The following DMD variants were observed in gnomAD, a reference collection of about 807,000 sequenced individuals.
The protein encoded by DMD is mutant dystrophin.
DMD carries 63 observed loss-of-function variants against 330.1 expected under a neutral mutation model. The ratio of observed to expected loss-of-function variants is 0.19; its 90% CI spans 0.16 to 0.24. DMD has a LOEUF of 0.24. Among genes scored for constraint, DMD ranks in the 10% least tolerant of loss-of-function variants. DMD has a pLI of 1.00. For missense variants in DMD, 3,344 were observed against 2,684.1 expected (o/e 1.25, Z -5.43); for synonymous variants, 1,223 against 959.8 (o/e 1.27, Z -5.07).
chrX:33,106,984 TAACTC>T (rs1603290720), intron 1 of DMD, among the ~76,000 whole-genome samples: 2 of 111,599 alleles, frequency 1.8e-5, no homozygotes, highest in Non-Finnish European at 3.8e-5. Flanking sequence ...AAACAGGAAT[TAACTC>T]AATACGTATA....
intron 57 of DMD, among the ~76,000 whole-genome samples, chrX:31,486,049 AT>A (rs920313321): frequency 3.6e-5 from 4 of 112,241 alleles, no homozygotes; most frequent in African/African-American, 1.3e-4. Context: ...CTGTGTCCTC[AT>A]TTGTAAAATG....
intron 76 of DMD, among the ~76,000 whole-genome samples, chrX:31,134,712 C>T (rs1002996264): frequency 1.8e-5 from 2 of 112,484 alleles, no homozygotes; most frequent in African/African-American, 3.2e-5. Context: ...TGAGCCAACA[C>T]GCCCAGCCTA....
intron 41 of DMD, among the ~76,000 whole-genome samples, chrX:32,338,973 G>A (rs571955119): frequency 1.4e-4 from 16 of 111,916 alleles, no homozygotes; most frequent in East Asian, 5.6e-4. Context: ...CAAATGCTGC[G>A]TACTTAATTC....
intron 47 of DMD, among the ~76,000 whole-genome samples, chrX:31,900,803 T>C (rs2094412092): frequency 9.0e-6 from 1 of 111,248 alleles, no homozygotes; most frequent in South Asian, 3.8e-4. Context: ...AAGTCCTTAT[T>C]ATCTGGGCCA....
In DMD at chrX:32,924,058, A is replaced by G. The variant is rs904803129; in HGVS notation, c.94-74238T>C. The stretch of plus-strand genomic sequence containing the variant: ...GAGGAGAGTGAGGAAATGCCACGAT[A>G]AAAATCAGAAATTATTAAAGAAGTC... On this transcript the variant is annotated intron_variant, in intron 2 of 78. Coordinates refer to ENST00000357033, the MANE Select transcript of DMD (RefSeq NM_004006.3). 1.4e-4 allele frequency among the ~76,000 whole-genome samples: 16 copies of G among 111,742 alleles called. No homozygotes were observed. The Admixed American group carries it at 1.4e-3, about 10-fold the overall frequency.
rs2092347411 is a variant in DMD, at chrX:32,970,663, A to G, written c.93+49476T>C. Among the ~76,000 whole-genome samples the G allele has an allele frequency of 2.2e-5, 2 of 92,218 alleles. 1 individual carries two copies. Among genetic ancestry groups the G allele is most frequent in the Non-Finnish European group, 4.1e-5 (2 of 48,979 alleles). The allele number at this position is 92,218 out of a possible 115,157, so 80.1% of individuals were successfully genotyped here. ...AATACTGATAATGATAATGATAATG[A>G]TAATAAAAATAATAACGAAATTCAG... On this transcript the variant is annotated intron_variant, in intron 2 of 78. Transcript: ENST00000357033.
At chrX:32,014,519 C>T (rs1438877759) in intron 44 of DMD, among the ~76,000 whole-genome samples, 1 of 111,613 alleles carries the variant, frequency 9.0e-6, no homozygotes, top group African/African-American at 3.3e-5. Context: ...ATTATGCTCC[C>T]TTTAGCTGTC....
At chrX:33,091,797 T>C (rs1260173582) in intron 1 of DMD, among the ~76,000 whole-genome samples, 1 of 111,846 alleles carries the variant, frequency 8.9e-6, no homozygotes, top group African/African-American at 3.2e-5. Context: ...ATAAGCATAA[T>C]CTTTGCTTCA....
intron 45 of DMD, among the ~76,000 whole-genome samples, chrX:31,944,796 C>A (rs1482322082): frequency 2.7e-5 from 3 of 109,980 alleles, no homozygotes; most frequent in Non-Finnish European, 3.8e-5. Flanking sequence ...GCGTGAGGCA[C>A]CGCGCCTGGC....
At chrX:31,558,734 T>A (rs2075008280) in intron 55 of DMD, among the ~76,000 whole-genome samples, 2 of 111,447 alleles carry the variant, frequency 1.8e-5, no homozygotes, top group South Asian at 7.6e-4. Flanking sequence ...ACCTCTCTTC[T>A]GCAAGCCAAA....
At chrX:32,252,816 G>GTATATAAATATATATAAATATATATAAA (rs2097277701) in intron 43 of DMD, among the ~76,000 whole-genome samples, 1 of 17,951 alleles carries the variant, frequency 5.6e-5, no homozygotes, top group Non-Finnish European at 9.4e-5. Context: ...ATATATATAA[G>GTATATAAATATATATAAATATATATAAA]TATATAAATA....
intron 12 of DMD, among the ~76,000 whole-genome samples, chrX:32,600,679 T>A: frequency 9.2e-6 from 1 of 109,259 alleles, no homozygotes; most frequent in African/African-American, 3.3e-5. Flanking sequence ...TGGAAGGCAA[T>A]CTATTGTCTC....
intron 52 of DMD, among the ~76,000 whole-genome samples, chrX:31,724,402 T>G (rs2085841320): frequency 9.0e-6 from 1 of 110,899 alleles, no homozygotes; most frequent in South Asian, 3.7e-4. Context: ...GTGAGAGATG[T>G]TTTTTTTTAT....
At chrX:31,944,971 C>G (rs1489221480) in intron 45 of DMD, among the ~76,000 whole-genome samples, 1 of 111,230 alleles carries the variant, frequency 9.0e-6, no homozygotes, top group Non-Finnish European at 1.9e-5. Flanking sequence ...AGAAATCCAC[C>G]ACAAACATTC....
intron 55 of DMD, among the ~76,000 whole-genome samples, chrX:31,617,060 C>T (rs1449990126): frequency 9.0e-6 from 1 of 111,571 alleles, no homozygotes; most frequent in African/African-American, 3.3e-5. Context: ...AAATGTCCTA[C>T]ATACAGTAAG....
chrX:31,175,832 C>A (rs746143908), intron 71 of DMD, among the ~76,000 whole-genome samples: 2 of 111,308 alleles, frequency 1.8e-5, no homozygotes, highest in East Asian at 5.6e-4. Flanking sequence ...GGTTTCAATG[C>A]AGAATCGCTC....
chrX:33,045,159 A>G (rs187809200), intron 1 of DMD, among the ~76,000 whole-genome samples: 84 of 111,141 alleles, frequency 7.6e-4, no homozygotes, highest in Non-Finnish European at 1.4e-3. Context: ...TAGGCTGAGA[A>G]CAAACATTAG....
intron 7 of DMD, among the ~76,000 whole-genome samples, chrX:32,789,618 T>C (rs957655389): frequency 8.9e-6 from 1 of 112,228 alleles, no homozygotes; most frequent in Non-Finnish European, 1.9e-5. Flanking sequence ...CTGGATTTGA[T>C]TATAGCTCAG....
chrX:31,847,032 T>C (rs1231486116), intron 48 of DMD, among the ~76,000 whole-genome samples: 1 of 111,552 alleles, frequency 9.0e-6, no homozygotes, highest in Non-Finnish European at 1.9e-5. Context: ...CCAAATGAAA[T>C]GTCCATATTT....
Sources: allele counts gnomAD v4.1 joint callset (sites outside exome capture counted in the v4.1 genomes callset), GRCh38; gene constraint gnomAD v4.1.1; transcripts MANE v1.5; gene names NCBI Gene and HGNC (gene_info 2026-07-23, HGNC 2026-07-21).